ASTN1: variants seen among roughly 807,000 people sequenced by gnomAD.
ASTN1 encodes the protein astrotactin-1.
Under a neutral mutation model 140.7 loss-of-function variants are expected in ASTN1, and 41 were observed. That is an observed-to-expected ratio of 0.29 (90% CI 0.23 to 0.38). The LOEUF (loss-of-function observed/expected upper bound fraction) is 0.38, where lower values mean the gene tolerates loss of function less well. ASTN1 is among the 10% of genes least tolerant of loss of function. ASTN1 has a pLI of 1.00. For missense variants in ASTN1, 1,479 were observed against 1,678.8 expected (o/e 0.88, Z 2.08); for synonymous variants, 640 against 652.2 (o/e 0.98, Z 0.29).
At chr1:177,099,937 C>G (rs1162347767) in intron 1 of ASTN1, among the ~76,000 whole-genome samples, 1 of 152,102 alleles carries the variant, frequency 6.6e-6, no homozygotes, top group East Asian at 1.9e-4. Flanking sequence ...AAATTCAAAG[C>G]AAAAGATTTT....
At chr1:176,912,258 T>C (rs539933626) in intron 16 of ASTN1, among the ~76,000 whole-genome samples, 1 of 152,314 alleles carries the variant, frequency 6.6e-6, no homozygotes, top group East Asian at 1.9e-4. Context: ...GGCCATGCAG[T>C]CTCTGTTGCA....
At chr1:177,164,335 TG>T in intron 1 of ASTN1, 58 bp downstream of exon 1, 2 of 1,129,672 alleles carry the variant, frequency 1.8e-6, no homozygotes, top group South Asian at 2.6e-5. Flanking sequence ...CGAGCTGGAG[TG>T]GGGGGTGGGG....
At chr1:177,069,612 T>G (rs1678535897) in intron 1 of ASTN1, among the ~76,000 whole-genome samples, 2 of 152,160 alleles carry the variant, frequency 1.3e-5, no homozygotes, top group African/African-American at 2.4e-5. Flanking sequence ...TGTACTGGCA[T>G]GAATAGCAAT....
At chr1:176,927,839 T>A (rs1671035548) in intron 16 of ASTN1, among the ~76,000 whole-genome samples, 1 of 152,192 alleles carries the variant, frequency 6.6e-6, no homozygotes. Context: ...CTTTTCAGAA[T>A]ATTCTTTTCA....
intron 4 of ASTN1, among the ~76,000 whole-genome samples, chr1:177,030,386 T>TG (rs1470359306): frequency 1.6e-4 from 24 of 152,194 alleles, no homozygotes; most frequent in African/African-American, 5.3e-4. Flanking sequence ...AATAGATGGG[T>TG]GGGCAACTTT....
chr1:177,001,876 C>T (rs1674743102), intron 8 of ASTN1, among the ~76,000 whole-genome samples: 1 of 152,164 alleles, frequency 6.6e-6, no homozygotes, highest in African/African-American at 2.4e-5. Context: ...TGTGACCATC[C>T]AACAATGGTG....
chr1:177,122,204 CT>C (rs1681427235), intron 1 of ASTN1, among the ~76,000 whole-genome samples: 1 of 152,076 alleles, frequency 6.6e-6, no homozygotes, highest in South Asian at 2.1e-4. Flanking sequence ...TGCAGAGGGA[CT>C]GAGAGAAAGC....
At chr1:177,034,437 C>A (rs1676611009) in intron 2 of ASTN1, among the ~76,000 whole-genome samples, 1 of 152,166 alleles carries the variant, frequency 6.6e-6, no homozygotes. Flanking sequence ...ACCCTTTCTC[C>A]TGGTGCAAGC....
At chr1:176,934,746 A>G (rs1395435838) in intron 15 of ASTN1, among the ~76,000 whole-genome samples, 1 of 152,208 alleles carries the variant, frequency 6.6e-6, no homozygotes, top group Non-Finnish European at 1.5e-5. Context: ...AGAACATTTC[A>G]CATCGTGAAG....
intron 8 of ASTN1, chr1:176,976,689 C>T (rs1673378712): frequency 6.6e-6 from 1 of 152,214 alleles, no homozygotes. Flanking sequence ...TACTGTCTTC[C>T]TCCCTCCACT....
chr1:176,887,727 G>T (rs1443701290), intron 18 of ASTN1, among the ~76,000 whole-genome samples: 1 of 61,162 alleles, frequency 1.6e-5, no homozygotes, highest in African/African-American at 6.9e-5. Context: ...CATTACAATG[G>T]CACTTTTCTC....
rs1669118886 is a variant in ASTN1, at chr1:176,888,218, C to T, written c.2941-14G>A. On this transcript the variant is annotated splice_polypyrimidine_tract_variant and intron_variant, in intron 17 of 22. Transcript: ENST00000361833. ...CTCCTGCAAGAGCTGCATAAGAGAA[C>T]AGGGAAAAGATTGAGTGTTGAGAAG... 1 of 1,613,318 alleles carries T rather than the reference C, an allele frequency of 6.2e-7. No individual in the cohort carries two copies. The highest frequency in any genetic ancestry group is 1.1e-5 in the South Asian group (1 of 91,074).
In ASTN1 at chr1:176,999,127, T is replaced by TA. The variant is rs1278801437; in HGVS notation, c.1523+15663dup. On this transcript the variant is annotated intron_variant, in intron 8 of 22. Coordinates refer to ENST00000361833, the MANE Select transcript of ASTN1 (RefSeq NM_004319.3). ...CAGAACTCCTTTTAAAGCAAGACTC[T>TA]AAATGACATAAAACTACATGGCTTA... Among the ~76,000 whole-genome samples the TA allele has an allele frequency of 3.9e-5, 6 of 152,310 alleles. No individual in the cohort carries two copies. In the South Asian group the frequency reaches 6.2e-4, roughly 16 times the overall value.
At chr1:177,037,557 AT>A (rs2101987197) in intron 2 of ASTN1, among the ~76,000 whole-genome samples, 1 of 152,330 alleles carries the variant, frequency 6.6e-6, no homozygotes, top group African/African-American at 2.4e-5. Context: ...GTTAGCTCCA[AT>A]TTTTATAGCC....
chr1:177,075,044 A>T (rs182084460), intron 1 of ASTN1, among the ~76,000 whole-genome samples: 129 of 152,166 alleles, frequency 8.5e-4, no homozygotes, highest in African/African-American at 2.9e-3. Flanking sequence ...ATATACAGTT[A>T]ATTAATAATC....
At chr1:177,141,688 A>G (rs1324957158) in intron 1 of ASTN1, among the ~76,000 whole-genome samples, 3 of 152,230 alleles carry the variant, frequency 2.0e-5, no homozygotes, top group African/African-American at 7.2e-5. Context: ...CACAACTTCC[A>G]GCATAGTTTG....
chr1:177,017,851 C>T (rs917960239), intron 7 of ASTN1, among the ~76,000 whole-genome samples: 1 of 152,156 alleles, frequency 6.6e-6, no homozygotes, highest in Non-Finnish European at 1.5e-5. Context: ...ATGGACAGTG[C>T]TTTTGGTCAC....
intron 1 of ASTN1, among the ~76,000 whole-genome samples, chr1:177,130,690 C>T (rs1203335705): frequency 6.6e-6 from 1 of 152,184 alleles, no homozygotes; most frequent in Non-Finnish European, 1.5e-5. Flanking sequence ...TGCAGTTCAT[C>T]AGGGACTCCA....
At position 176,884,386 on chromosome 1, in the gene ASTN1, C is replaced by A; in HGVS notation, c.3179G>T (p.Arg1060Leu). 1 of 1,614,182 alleles carries A rather than the reference C, an allele frequency of 6.2e-7. No homozygotes were observed. Among genetic ancestry groups the A allele is most frequent in the Non-Finnish European group, 8.5e-7 (1 of 1,180,024 alleles). The change falls in exon 19 of 23, where the codon CGT becomes CTT. Residue 1060 changes from arginine (R) to leucine (L), a missense_variant. Transcript: ENST00000361833. ...IGVQIVDYLL[R>L]QEKVTDRMDH... ...CATCCTGTCAGTGACTTTCTCTTGA[C>A]GGAGGAGGTAATCTACAATCTGCAC...
Sources: gnomAD v4.1 joint callset for allele counts (sites outside exome capture counted in the v4.1 genomes callset) on GRCh38, gnomAD v4.1.1 for gene constraint, MANE v1.5 for transcripts, NCBI Gene and HGNC (gene_info 2026-07-23, HGNC 2026-07-21) for gene names.